MTHFD2L: variants seen among roughly 807,000 people sequenced by gnomAD.
The protein encoded by MTHFD2L is methylenetetrahydrofolate dehydrogenase (NADP+ dependent) 2 like.
MTHFD2L carries 29 observed loss-of-function variants against 34.9 expected under a neutral mutation model. That is an observed-to-expected ratio of 0.83 (90% CI 0.62 to 1.13). The LOEUF (loss-of-function observed/expected upper bound fraction) is 1.13, where lower values mean the gene tolerates loss of function less well. Ranked by LOEUF, MTHFD2L falls within the 50% of genes most tolerant of loss-of-function variation. MTHFD2L has a pLI of 0.00. For synonymous variants in MTHFD2L, 167 were observed against 155.7 expected (o/e 1.07, Z -0.54); for missense variants, 481 against 446.5 (o/e 1.08, Z -0.70).
intron 6 of MTHFD2L, among the ~76,000 whole-genome samples, chr4:74,226,819 G>A (rs189278752): frequency 1.3e-4 from 20 of 152,180 alleles, no homozygotes; most frequent in Non-Finnish European, 2.5e-4. Flanking sequence ...GCCAGCCCTC[G>A]TAGAACTTAC....
chr4:74,146,572 A>G (rs1008167152), intron 1 of MTHFD2L, among the ~76,000 whole-genome samples: 1 of 152,104 alleles, frequency 6.6e-6, no homozygotes, highest in African/African-American at 2.4e-5. Context: ...GAATTTAACT[A>G]CCTTGTAAAA....
intron 1 of MTHFD2L, among the ~76,000 whole-genome samples, chr4:74,163,075 ATT>A (rs55820846): frequency 0.2 from 30,254 of 151,928 alleles, 6,798 homozygotes; most frequent in African/African-American, 0.55. Context: ...TAAATTGAGC[ATT>A]TTTTTTTTTC....
chr4:74,218,323 G>A (rs1737550396), intron 5 of MTHFD2L, among the ~76,000 whole-genome samples: 1 of 152,080 alleles, frequency 6.6e-6, no homozygotes, highest in African/African-American at 2.4e-5. Context: ...AGAATCCAGA[G>A]TTGAAAGCTG....
rs986879932 is a variant in MTHFD2L at position 74,196,297 on chromosome 4, A to T, written c.452-3497A>T. Among the ~76,000 whole-genome samples, 5 of 152,272 alleles carry T rather than the reference A, an allele frequency of 3.3e-5. No individual in the cohort carries two copies. In the East Asian group the frequency reaches 7.7e-4, roughly 23 times the overall value. ...ATGTGAAAAAAACTGAGAAGAAAGG[A>T]TTAGTAGTGAAAAAAATCATCATGA... is the stretch of plus-strand genomic sequence containing the variant. On this transcript the variant is annotated intron_variant, in intron 3 of 7. Coordinates refer to ENST00000325278, the MANE Select transcript of MTHFD2L (RefSeq NM_001144978.3).
intron 1 of MTHFD2L, among the ~76,000 whole-genome samples, chr4:74,169,645 T>C (rs901174327): frequency 2.6e-5 from 4 of 152,198 alleles, no homozygotes; most frequent in East Asian, 1.9e-4. Flanking sequence ...ATGGAAAGTT[T>C]TATTTGCTAC....
intron 1 of MTHFD2L, among the ~76,000 whole-genome samples, chr4:74,149,810 C>T (rs772485020): frequency 2.0e-5 from 3 of 152,056 alleles, no homozygotes; most frequent in Non-Finnish European, 2.9e-5. Flanking sequence ...GTGCTCCCCC[C>T]AAAAAATGTT....
intron 7 of MTHFD2L, among the ~76,000 whole-genome samples, chr4:74,294,173 T>C (rs1749346630): frequency 6.6e-6 from 1 of 152,122 alleles, no homozygotes; most frequent in Non-Finnish European, 1.5e-5. Flanking sequence ...ACTCCAAAAA[T>C]AAATTTATAG....
At chr4:74,290,956 A>T (rs904177429) in intron 7 of MTHFD2L, among the ~76,000 whole-genome samples, 1 of 137,856 alleles carries the variant, frequency 7.3e-6, no homozygotes, top group Non-Finnish European at 1.5e-5. Context: ...ACTAGATTGG[A>T]TGCCTCTGTA....
intron 7 of MTHFD2L, among the ~76,000 whole-genome samples, chr4:74,295,213 T>A (rs968137438): frequency 6.6e-6 from 1 of 152,150 alleles, no homozygotes. Flanking sequence ...TTCTTCTCGC[T>A]GTTTTCATCA....
intron 5 of MTHFD2L, among the ~76,000 whole-genome samples, chr4:74,206,575 G>C: frequency 6.6e-6 from 1 of 151,872 alleles, no homozygotes; most frequent in Non-Finnish European, 1.5e-5. Context: ...TTGCCTCAAG[G>C]TTGTATCTTG....
intron 5 of MTHFD2L, among the ~76,000 whole-genome samples, chr4:74,222,045 A>G (rs1224118481): frequency 6.6e-6 from 1 of 151,904 alleles, no homozygotes; most frequent in African/African-American, 2.4e-5. Flanking sequence ...TTTTTACTTT[A>G]TACTTTTAAA....
At chr4:74,299,478 C>T (rs915920790) in intron 7 of MTHFD2L, among the ~76,000 whole-genome samples, 2 of 151,902 alleles carry the variant, frequency 1.3e-5, no homozygotes, top group African/African-American at 2.4e-5. Flanking sequence ...AAACGCATTG[C>T]TTCTCCAGTG....
chr4:74,213,851 C>T (rs1736745779), intron 5 of MTHFD2L, among the ~76,000 whole-genome samples: 1 of 152,164 alleles, frequency 6.6e-6, no homozygotes, highest in East Asian at 1.9e-4. Context: ...ACCAGTCAAA[C>T]ATAGGTTTTG....
At chr4:74,116,669 C>A (rs950674311) in intron 2 of MTHFD2L, among the ~76,000 whole-genome samples, 2 of 152,120 alleles carry the variant, frequency 1.3e-5, no homozygotes, top group Non-Finnish European at 2.9e-5. Context: ...AAGTGTTCAT[C>A]CTTATTTTTA....
At chr4:74,189,347 TAAAAA>T (rs898412882) in intron 3 of MTHFD2L, among the ~76,000 whole-genome samples, 4 of 152,020 alleles carry the variant, frequency 2.6e-5, no homozygotes, top group Non-Finnish European at 5.9e-5. Flanking sequence ...TTATCCAACT[TAAAAA>T]GAAAAACTTT....
chr4:74,261,065 T>G (rs944922455), intron 6 of MTHFD2L, among the ~76,000 whole-genome samples: 4 of 151,960 alleles, frequency 2.6e-5, no homozygotes, highest in African/African-American at 9.7e-5. Flanking sequence ...TATTCCCATT[T>G]ATATAAAGGT....
intron 1 of MTHFD2L, among the ~76,000 whole-genome samples, chr4:74,172,056 C>G (rs1728119218): frequency 6.6e-6 from 1 of 152,004 alleles, no homozygotes; most frequent in Non-Finnish European, 1.5e-5. Context: ...GTGGAAATAG[C>G]TGGCCAAAAA....
chr4:74,281,415 T>G lies in MTHFD2L; in HGVS notation c.806-10T>G, dbSNP rs373732279. 2 of 1,608,576 alleles carry G rather than the reference T, an allele frequency of 1.2e-6. No individual in the cohort carries two copies. The highest frequency in any genetic ancestry group is 1.7e-6 in the Non-Finnish European group (2 of 1,177,686). On this transcript the variant is annotated splice_polypyrimidine_tract_variant and intron_variant, in intron 6 of 7. Transcript: ENST00000325278. ...TATGCTGAAGGACAAACAACTCTTT[T>G]TGTTTTCAGGTATTCCAAAGTTGAT...
At chr4:74,140,216 G>A (rs142066030) in intron 1 of MTHFD2L, among the ~76,000 whole-genome samples, 26 of 152,010 alleles carry the variant, frequency 1.7e-4, no homozygotes, top group African/African-American at 5.6e-4. Flanking sequence ...AGGTGGGAAA[G>A]TCACCTGAGC....
Sources: gnomAD v4.1 joint callset for allele counts (sites outside exome capture counted in the v4.1 genomes callset) on GRCh38, gnomAD v4.1.1 for gene constraint, MANE v1.5 for transcripts, NCBI Gene and HGNC (gene_info 2026-07-23, HGNC 2026-07-21) for gene names.